GDPD5: variants seen among roughly 807,000 people sequenced by gnomAD.
GDPD5 encodes glycerophosphodiester phosphodiesterase 2.
In GDPD5, 48 loss-of-function variants were observed where a neutral mutation model predicts 75.1. That is an observed-to-expected ratio of 0.64 (90% CI 0.51 to 0.81). The LOEUF is 0.81. Among genes scored for constraint, GDPD5 ranks in the 40% least tolerant of loss-of-function variants. The pLI is 0.00. For synonymous variants in GDPD5, 336 were observed against 339.0 expected, an observed-to-expected ratio of 0.99 and a Z score of 0.10; for missense variants, 706 against 822.6, an observed-to-expected ratio of 0.86 and a Z score of 1.73.
chr11:75,510,084 T>C (rs1592155392), intron 1 of GDPD5, among the ~76,000 whole-genome samples: 1 of 152,214 alleles, frequency 6.6e-6, no homozygotes. Flanking sequence ...AGGAATGTCC[T>C]TCTGGGCTCA....
chr11:75,449,638 C>A, intron 7 of GDPD5, 28 bp from the exon 8 acceptor site: 1 of 1,554,546 alleles, frequency 6.4e-7, no homozygotes, highest in Non-Finnish European at 8.7e-7. Context: ...GAAGGGAGAC[C>A]AGTAACGCCC....
At chr11:75,493,812 C>A (rs1361361856) in intron 1 of GDPD5, among the ~76,000 whole-genome samples, 1 of 152,136 alleles carries the variant, frequency 6.6e-6, no homozygotes, top group Non-Finnish European at 1.5e-5. Context: ...GCTGTGCATC[C>A]TTTATTTTGG....
chr11:75,479,875 T>C (rs1409750150), intron 2 of GDPD5, among the ~76,000 whole-genome samples: 1 of 152,234 alleles, frequency 6.6e-6, no homozygotes, highest in East Asian at 1.9e-4. Context: ...TGTTGTAGCA[T>C]GGATCAGCAT....
chr11:75,466,308 G>A (rs1949514387), intron 3 of GDPD5, among the ~76,000 whole-genome samples: 1 of 152,190 alleles, frequency 6.6e-6, no homozygotes, highest in Non-Finnish European at 1.5e-5. Context: ...GCAGGCAGCG[G>A]GGGTCACTCT....
intron 16 of GDPD5, among the ~76,000 whole-genome samples, chr11:75,436,141 A>C (rs1040006091): frequency 2.0e-5 from 3 of 152,070 alleles, no homozygotes; most frequent in African/African-American, 7.2e-5. Context: ...CTGGGCCCCC[A>C]AAATACCTCA....
intron 15 of GDPD5, among the ~76,000 whole-genome samples, chr11:75,439,509 AG>A (rs1382694420): frequency 6.6e-6 from 1 of 150,422 alleles, no homozygotes; most frequent in Admixed American, 6.6e-5. Flanking sequence ...GGCTGGCCCT[AG>A]ACCCTCCCTG....
At chr11:75,486,377 G>C (rs896035364) in intron 2 of GDPD5, among the ~76,000 whole-genome samples, 4 of 152,188 alleles carry the variant, frequency 2.6e-5, no homozygotes, top group African/African-American at 7.2e-5. Flanking sequence ...GTCGTCCTGA[G>C]CACCAGGGCA....
At chr11:75,438,270 A>G (rs1414276464) in intron 15 of GDPD5, 1 of 152,294 alleles carries the variant, frequency 6.6e-6, no homozygotes, top group Non-Finnish European at 1.5e-5. Flanking sequence ...TTGTTGAGTG[A>G]ATGAATGGAA....
rs772362134 is a variant in GDPD5 at position 75,462,883 on chromosome 11, G to A, written c.124C>T (p.Arg42Cys). The A allele has an allele frequency of 1.2e-5, 19 of 1,613,178 alleles. No homozygotes were observed. The highest frequency in any genetic ancestry group is 1.3e-5 in the African/African-American group (1 of 74,912). ...AAGGTGAGGAGCAGGAACCAGAGGC[G>A]CTCCCACTGGAAGAGCAGAGGAGGA... ...RSHDDTTPWE[R>C]LWFLLLTFTF... is the part of the protein sequence containing the mutation. Residue 42 changes from arginine (R) to cysteine (C), a missense_variant, in exon 4 of 17, where the codon CGC becomes TGC. Coordinates refer to ENST00000336898, the MANE Select transcript of GDPD5 (RefSeq NM_030792.8).
At chr11:75,516,065 T>G (rs188498781) in intron 1 of GDPD5, 1 of 152,470 alleles carries the variant, frequency 6.6e-6, no homozygotes, top group Admixed American at 6.5e-5. Context: ...AGCCACTCTC[T>G]ACCTTGTTTG....
At chr11:75,438,500 T>C (rs1360229349) in intron 15 of GDPD5, 2 of 152,264 alleles carry the variant, frequency 1.3e-5, no homozygotes, top group Non-Finnish European at 2.9e-5. Context: ...GCAGACAGCA[T>C]CAGCAACCAG....
At chr11:75,459,536 C>T (rs1201563082) in intron 4 of GDPD5, among the ~76,000 whole-genome samples, 4 of 152,110 alleles carry the variant, frequency 2.6e-5, no homozygotes. Flanking sequence ...GAACTACCCA[C>T]ATCCGGCTGG....
chr11:75,499,738 G>T (rs569180583), intron 1 of GDPD5, among the ~76,000 whole-genome samples: 1 of 152,310 alleles, frequency 6.6e-6, no homozygotes, highest in African/African-American at 2.4e-5. Flanking sequence ...GCTGGGCCCA[G>T]AGATGGGGTT....
intron 4 of GDPD5, among the ~76,000 whole-genome samples, chr11:75,462,145 T>C (rs963664025): frequency 1.3e-5 from 2 of 152,180 alleles, no homozygotes; most frequent in Admixed American, 1.3e-4. Context: ...TTGGTCTCTC[T>C]GAGCTGTAGA....
At position 75,493,685 on chromosome 11, in the gene GDPD5, G is replaced by C. The variant is rs1038498744; in HGVS notation, c.-144-3365C>G. On this transcript the variant is annotated intron_variant, in intron 1 of 16. Coordinates refer to ENST00000336898, the MANE Select transcript of GDPD5 (RefSeq NM_030792.8). The stretch of plus-strand genomic sequence containing the variant: ...TGCTTGGGGGAGGAGTGCAGCAGGG[G>C]GGGGCCTAAGTGGCAAAAATATATA... 5.3e-5 allele frequency among the ~76,000 whole-genome samples: 8 copies of C among 152,228 alleles called. No homozygotes were observed. In the East Asian group the frequency reaches 1.2e-3, roughly 22 times the overall value.
intron 2 of GDPD5, among the ~76,000 whole-genome samples, chr11:75,489,493 G>A (rs531013636): frequency 6.6e-6 from 1 of 152,242 alleles, no homozygotes; most frequent in African/African-American, 2.4e-5. Context: ...CCCAGGAGCT[G>A]GCTGGCCCAC....
intron 2 of GDPD5, among the ~76,000 whole-genome samples, chr11:75,488,467 GGGA>G (rs1016527185): frequency 1.3e-5 from 2 of 152,082 alleles, no homozygotes; most frequent in African/African-American, 4.8e-5. Context: ...AAATGAAAGG[GGGA>G]GGAGGAGGAG....
chr11:75,475,493 T>C (rs945297137), intron 3 of GDPD5, among the ~76,000 whole-genome samples: 1 of 152,160 alleles, frequency 6.6e-6, no homozygotes, highest in Non-Finnish European at 1.5e-5. Context: ...TATTCCTTCG[T>C]TGTGAGAGTC....
chr11:75,455,902 C>A (rs1309933933), intron 6 of GDPD5, among the ~76,000 whole-genome samples: 1 of 152,172 alleles, frequency 6.6e-6, no homozygotes, highest in African/African-American at 2.4e-5. Flanking sequence ...TGAGGGGGGG[C>A]ACTGGGAACA....
Sources: allele counts gnomAD v4.1 joint callset (sites outside exome capture counted in the v4.1 genomes callset), GRCh38; gene constraint gnomAD v4.1.1; transcripts MANE v1.5; gene names NCBI Gene and HGNC (gene_info 2026-07-23, HGNC 2026-07-21).